The following PCED1B variants were observed in gnomAD, a reference collection of about 807,000 sequenced individuals.
PCED1B encodes PC-esterase domain containing 1B.
For synonymous variants in PCED1B, 251 were observed against 246.1 expected (o/e 1.02, Z -0.19); for missense variants, 573 against 573.9 (o/e 1.00, Z 0.02).
At position 47,231,552 on chromosome 12, in the gene PCED1B, C is replaced by T. The variant is rs146030389; in HGVS notation, c.-57-3455C>T. ...CGCTTTTTCACAGGAATTTTTATGG[C>T]TTGATAAGAAAGGGCAGATCTGGAG... On this transcript the variant is annotated intron_variant, in intron 3 of 3. Coordinates refer to ENST00000546455, the MANE Select transcript of PCED1B (RefSeq NM_138371.3). 1.1e-3 allele frequency among the ~76,000 whole-genome samples: 169 copies of T among 152,268 alleles called. 1 individual carries two copies. The East Asian group carries it at 0.023, about 21-fold the overall frequency.
At chr12:47,123,398 T>C (rs1440933716) in intron 2 of PCED1B, among the ~76,000 whole-genome samples, 1 of 152,110 alleles carries the variant, frequency 6.6e-6, no homozygotes, top group African/African-American at 2.4e-5. Context: ...ATTTTATCCA[T>C]GCAGAGTTCA....
chr12:47,193,661 T>C (rs941589426), intron 2 of PCED1B, among the ~76,000 whole-genome samples: 73 of 152,314 alleles, frequency 4.8e-4, no homozygotes, highest in African/African-American at 1.4e-3. Context: ...GCTTCAATCA[T>C]GGTTCTCTAG....
At chr12:47,217,464 A>AAG (rs1316076875) in intron 3 of PCED1B, among the ~76,000 whole-genome samples, 17,166 of 86,194 alleles carry the variant, frequency 0.2, 1,831 homozygotes, top group South Asian at 0.33. Flanking sequence ...AAGAAAAAGA[A>AAG]AGAAAGAGAA....
At chr12:47,197,840 A>G (rs1292746763) in intron 2 of PCED1B, among the ~76,000 whole-genome samples, 6 of 152,270 alleles carry the variant, frequency 3.9e-5, no homozygotes, top group African/African-American at 1.4e-4. Flanking sequence ...TGAAACCCAC[A>G]CAAAGAGAAA....
rs1257541100 is a variant in PCED1B at position 47,235,562 on chromosome 12, C to A, written c.499C>A (p.Pro167Thr). The A allele has an allele frequency of 1.2e-6, 2 of 1,609,368 alleles. No homozygotes were observed. The highest frequency in any genetic ancestry group is 1.7e-6 in the Non-Finnish European group (2 of 1,177,044). ...SCLLVWNTAM[P>T]VGEEVTGGFL... ...CCTCCTGGTGTGGAACACGGCCATG[C>A]CTGTGGGCGAGGAAGTCACCGGGGG... The change falls in exon 4 of 4, where the codon CCT (proline) becomes ACT (threonine). Residue 167 changes from proline to threonine, a missense_variant. Coordinates refer to ENST00000546455, the MANE Select transcript of PCED1B (RefSeq NM_138371.3).
chr12:47,226,356 T>C (rs987801951), intron 3 of PCED1B, among the ~76,000 whole-genome samples: 1 of 151,054 alleles, frequency 6.6e-6, no homozygotes, highest in African/African-American at 2.5e-5. Flanking sequence ...TTCTTACCCC[T>C]CCTCTTGAGA....
At chr12:47,215,838 T>C (rs931916413) in intron 2 of PCED1B, among the ~76,000 whole-genome samples, 1 of 151,822 alleles carries the variant, frequency 6.6e-6, no homozygotes, top group Admixed American at 6.6e-5. Flanking sequence ...GTGGATCACC[T>C]GAGGTAAGGA....
At chr12:47,100,635 G>A (rs976021303) in intron 1 of PCED1B, among the ~76,000 whole-genome samples, 3 of 152,162 alleles carry the variant, frequency 2.0e-5, no homozygotes, top group African/African-American at 7.2e-5. Context: ...CTTCCATACA[G>A]GAGGTAAATA....
chr12:47,216,415 G>A lies in PCED1B; in HGVS notation c.-332G>A, dbSNP rs1175681067. 6.6e-6 allele frequency: 1 copy of A among 152,188 alleles called. No homozygotes were observed. Among genetic ancestry groups the A allele is most frequent in the African/African-American group, 2.4e-5 (1 of 41,450 alleles). The allele number at this position is 152,188 out of a possible 1,614,324, so 9.4% of individuals were successfully genotyped here. A position where few individuals can be genotyped will look rare whatever the true frequency, so the allele number is the denominator to read the frequency against. On this transcript the variant is annotated 5_prime_UTR_variant, in exon 3 of 4. The change abolishes the stop of an existing upstream ORF in the 5' untranslated region. Transcript: ENST00000546455. Reference sequence around the variant, plus strand: ...ATGTTTTCACACATGTCAAAGTCTTGAAGCTTCGGTCATTAGTCTTCCGCT... The same window carrying A: ...ATGTTTTCACACATGTCAAAGTCTTAAAGCTTCGGTCATTAGTCTTCCGCT...
At chr12:47,184,556 A>G (rs1386832507) in intron 2 of PCED1B, among the ~76,000 whole-genome samples, 1 of 152,148 alleles carries the variant, frequency 6.6e-6, no homozygotes, top group East Asian at 1.9e-4. Context: ...TCACAAGCTA[A>G]GTAAAAGAAT....
At chr12:47,166,149 A>G (rs545045770) in intron 2 of PCED1B, among the ~76,000 whole-genome samples, 1 of 152,304 alleles carries the variant, frequency 6.6e-6, no homozygotes, top group South Asian at 2.1e-4. Flanking sequence ...ACATCTGAAG[A>G]CTTGGCCCCT....
intron 3 of PCED1B, among the ~76,000 whole-genome samples, chr12:47,230,067 C>T (rs1477344207): frequency 6.8e-6 from 1 of 147,372 alleles, no homozygotes; most frequent in African/African-American, 2.5e-5. Context: ...AGCCACTGCA[C>T]TCAGCAAGTA....
chr12:47,103,356 C>CA lies in PCED1B; in HGVS notation c.-608-756dup, dbSNP rs377600342. Among the ~76,000 whole-genome samples, 478 of 152,282 alleles carry CA rather than the reference C, an allele frequency of 3.1e-3. 2 individuals carry two copies. The highest frequency in any genetic ancestry group is 0.011 in the African/African-American group (465 of 41,554). ...ATTTTGTCATCTGTGCAGCACCAAT[C>CA]ACCCTGTGCTCATTAAATGTTACGG... is the stretch of plus-strand genomic sequence containing the variant. On this transcript the variant is annotated intron_variant, in intron 1 of 3. Transcript: ENST00000546455.
At chr12:47,164,702 T>C (rs949729613) in intron 2 of PCED1B, among the ~76,000 whole-genome samples, 4 of 152,216 alleles carry the variant, frequency 2.6e-5, no homozygotes, top group African/African-American at 7.2e-5. Context: ...CTGCCTGGGC[T>C]CCCAGGCTTT....
chr12:47,127,092 T>C (rs1939917830), intron 2 of PCED1B, among the ~76,000 whole-genome samples: 1 of 152,182 alleles, frequency 6.6e-6, no homozygotes, highest in South Asian at 2.1e-4. Flanking sequence ...AGGTGGAAGC[T>C]AAAGTCATTG....
Position 47,107,646 on chromosome 12 carries a change from C to T in PCED1B, c.-526+3451C>T, listed in dbSNP as rs533027766. Among the ~76,000 whole-genome samples, 13 of 152,264 alleles carry T rather than the reference C, an allele frequency of 8.5e-5. No homozygotes were observed. The South Asian group carries it at 1.9e-3, about 22-fold the overall frequency. ...GGTGGCACAGGCACCAACAGGCAGA[C>T]GGGGCTGGCAGTGACCCTGGCAGGG... On this transcript the variant is annotated intron_variant, in intron 2 of 3. Coordinates refer to ENST00000546455, the MANE Select transcript of PCED1B (RefSeq NM_138371.3).
chr12:47,151,783 C>T (rs140093368), intron 2 of PCED1B, among the ~76,000 whole-genome samples: 1 of 152,164 alleles, frequency 6.6e-6, no homozygotes, highest in African/African-American at 2.4e-5. Flanking sequence ...TTATTCTATT[C>T]AGGCCTTCAC....
At chr12:47,163,673 C>G (rs1565576529) in intron 2 of PCED1B, among the ~76,000 whole-genome samples, 1 of 152,092 alleles carries the variant, frequency 6.6e-6, no homozygotes, top group Non-Finnish European at 1.5e-5. Flanking sequence ...TTGAGATAAT[C>G]ATGTGTTTTC....
chr12:47,188,566 C>T (rs1253729774), intron 2 of PCED1B, among the ~76,000 whole-genome samples: 2 of 152,242 alleles, frequency 1.3e-5, no homozygotes, highest in East Asian at 1.9e-4. Context: ...CAGGACGATA[C>T]TGCTTCTCAG....
Sources: gnomAD v4.1 joint callset for allele counts (sites outside exome capture counted in the v4.1 genomes callset) on GRCh38, gnomAD v4.1.1 for gene constraint, MANE v1.5 for transcripts, NCBI Gene and HGNC (gene_info 2026-07-23, HGNC 2026-07-21) for gene names.